The following NCKAP5 variants were observed in gnomAD, a reference collection of about 807,000 sequenced individuals.
The protein encoded by NCKAP5 is NCK associated protein 5, also known as nck-associated protein 5.
NCKAP5 carries 92 observed loss-of-function variants against 167.0 expected under a neutral mutation model. The ratio of observed to expected loss-of-function variants is 0.55; its 90% CI spans 0.47 to 0.66. NCKAP5 has a LOEUF of 0.66. NCKAP5 is among the 30% of genes least tolerant of loss of function. NCKAP5 has a pLI of 0.00. For missense variants in NCKAP5, 2,378 were observed against 2,315.0 expected (o/e 1.03, Z -0.56); for synonymous variants, 891 against 877.4 (o/e 1.02, Z -0.27).
rs55895538 is a variant in NCKAP5, at chr2:132,920,771, GTATATATATATATATA to G, written c.580-41871_580-41856del. On this transcript the variant is annotated intron_variant, in intron 8 of 19. Coordinates refer to ENST00000409261, the MANE Select transcript of NCKAP5 (RefSeq NM_207363.3). ...TATATATATATGTATATATATGTAT[GTATATATATATATATA>G]TATATATATATATATATATATATAT... Among the ~76,000 whole-genome samples, 25 of 31,580 alleles carry G rather than the reference GTATATATATATATATA, an allele frequency of 7.9e-4. 2 individuals carry two copies. Among genetic ancestry groups the G allele is most frequent in the East Asian group, 2.3e-3 (5 of 2,138 alleles). 20.7% of individuals were successfully genotyped at this position (31,580 alleles called of 152,430 possible). A position where few individuals can be genotyped will look rare whatever the true frequency, so the allele number is the denominator to read the frequency against.
At chr2:133,055,686 T>A (rs1437910) in intron 6 of NCKAP5, among the ~76,000 whole-genome samples, 101,405 of 152,030 alleles carry the variant, frequency 0.67, 35,801 homozygotes, top group East Asian at 0.97. Context: ...ATGTTGGGCA[T>A]CATTTGTTGC....
At chr2:133,353,282 T>C (rs773426072) in intron 3 of NCKAP5, among the ~76,000 whole-genome samples, 1 of 152,174 alleles carries the variant, frequency 6.6e-6, no homozygotes, top group Admixed American at 6.5e-5. Flanking sequence ...TCACCTACTA[T>C]CTGAGACAGA....
intron 7 of NCKAP5, among the ~76,000 whole-genome samples, chr2:132,983,865 C>CCCCT (rs1273865902): frequency 4.6e-5 from 7 of 152,182 alleles, no homozygotes; most frequent in African/African-American, 1.7e-4. Flanking sequence ...CCCTCCCAGG[C>CCCCT]CACAGCAAAT....
intron 6 of NCKAP5, among the ~76,000 whole-genome samples, chr2:133,109,608 C>A (rs1230725621): frequency 6.6e-6 from 1 of 151,912 alleles, no homozygotes; most frequent in African/African-American, 2.4e-5. Flanking sequence ...TTAAGCATTA[C>A]TTGTGTGATA....
chr2:133,225,399 A>C (rs2086838410), intron 4 of NCKAP5, among the ~76,000 whole-genome samples: 1 of 152,178 alleles, frequency 6.6e-6, no homozygotes, highest in Non-Finnish European at 1.5e-5. Flanking sequence ...CTGTTTTGAC[A>C]ACGGCCCCAA....
At position 133,517,482 on chromosome 2, in the gene NCKAP5, C is replaced by T. The variant is rs966020578; in HGVS notation, c.45G>A (p.Arg15=). 8.5e-6 allele frequency: 13 copies of T among 1,528,866 alleles called. No individual in the cohort carries two copies. Among genetic ancestry groups the T allele is most frequent in the Non-Finnish European group, 8.8e-6 (10 of 1,133,338 alleles). 94.7% of individuals were successfully genotyped at this position (1,528,866 alleles called of 1,614,324 possible). A position where few individuals can be genotyped will look rare whatever the true frequency, so the allele number is the denominator to read the frequency against. The change falls in exon 3 of 20, where the codon AGG becomes AGA. Residue 15 remains arginine (R), a synonymous_variant. Coordinates refer to ENST00000409261, the MANE Select transcript of NCKAP5 (RefSeq NM_207363.3). The part of the protein sequence containing the change: ...RQLEKRDFGK[R]LSLDSSLVEY... ...CCACAAGACTGCTGTCTAGAGACAG[C>T]CTTTTTCCAAAGTCCCTTTTCTCAA...
chr2:133,604,831 T>G, the NCKAP5 span, among the ~76,000 whole-genome samples: 1 of 152,154 alleles, frequency 6.6e-6, no homozygotes, highest in African/African-American at 2.4e-5. Flanking sequence ...CCACTGTATT[T>G]CCCTGTCATC....
At chr2:133,169,674 C>T (rs191567882) in intron 5 of NCKAP5, among the ~76,000 whole-genome samples, 4 of 152,264 alleles carry the variant, frequency 2.6e-5, no homozygotes, top group East Asian at 1.9e-4. Flanking sequence ...TTAGTGTGTG[C>T]GGCGAGCCCA....
chr2:132,815,138 C>CT (rs1686164364), intron 11 of NCKAP5, among the ~76,000 whole-genome samples: 2 of 152,236 alleles, frequency 1.3e-5, no homozygotes, highest in East Asian at 3.9e-4. Context: ...TCATAAAGTA[C>CT]TTTGATGGAA....
intron 19 of NCKAP5, among the ~76,000 whole-genome samples, chr2:132,709,827 C>T (rs1174317044): frequency 6.6e-6 from 1 of 151,910 alleles, no homozygotes; most frequent in Non-Finnish European, 1.5e-5. Context: ...GGAATATTTC[C>T]CATTCATTTT....
intron 3 of NCKAP5, among the ~76,000 whole-genome samples, chr2:133,340,689 T>A (rs1683518193): frequency 1.3e-5 from 2 of 152,114 alleles, no homozygotes; most frequent in Admixed American, 1.3e-4. Flanking sequence ...GCACCTAACT[T>A]GGGTGGCATT....
At chr2:133,307,709 C>T (rs1473603765) in intron 3 of NCKAP5, among the ~76,000 whole-genome samples, 2 of 152,148 alleles carry the variant, frequency 1.3e-5, no homozygotes, top group Non-Finnish European at 2.9e-5. Context: ...TCATAAAATA[C>T]AGGACCTACA....
intron 6 of NCKAP5, among the ~76,000 whole-genome samples, chr2:133,001,215 CTTTTTTTT>C (rs56110206): frequency 7.4e-6 from 1 of 134,428 alleles, no homozygotes; most frequent in Non-Finnish European, 1.6e-5. Context: ...CTTTGACTTA[CTTTTTTTT>C]TTTTTTTTTT....
At chr2:133,030,556 C>A (rs1481356213) in intron 6 of NCKAP5, among the ~76,000 whole-genome samples, 1 of 152,170 alleles carries the variant, frequency 6.6e-6, no homozygotes, top group Non-Finnish European at 1.5e-5. Context: ...ATTGGAAAAA[C>A]AAGTGACTCA....
intron 3 of NCKAP5, among the ~76,000 whole-genome samples, chr2:133,305,245 T>C (rs764214879): frequency 1.3e-5 from 2 of 152,186 alleles, no homozygotes; most frequent in Non-Finnish European, 2.9e-5. Context: ...AAAGGTGTAG[T>C]GATGACAAAT....
At chr2:133,611,195 A>G in the NCKAP5 span, among the ~76,000 whole-genome samples, 15 of 152,170 alleles carry the variant, frequency 9.9e-5, no homozygotes, top group Non-Finnish European at 2.2e-4. Flanking sequence ...CATATGATGC[A>G]TCCATCAGAT....
chr2:132,830,462 A>G (rs1392631782), intron 11 of NCKAP5, among the ~76,000 whole-genome samples: 1 of 151,940 alleles, frequency 6.6e-6, no homozygotes, highest in East Asian at 1.9e-4. Flanking sequence ...AGGAGGGTAA[A>G]CAGTATCTCA....
intron 17 of NCKAP5, among the ~76,000 whole-genome samples, chr2:132,731,188 A>G (rs752017827): frequency 6.6e-5 from 10 of 152,230 alleles, no homozygotes; most frequent in Non-Finnish European, 1.0e-4. Flanking sequence ...GTCTTTCATC[A>G]TGAAATCTTG....
At chr2:133,076,672 C>T (rs2080614521) in intron 6 of NCKAP5, among the ~76,000 whole-genome samples, 1 of 152,186 alleles carries the variant, frequency 6.6e-6, no homozygotes, top group Non-Finnish European at 1.5e-5. Flanking sequence ...GATAGTGGTA[C>T]ATGATACCTT....
Sources: allele counts gnomAD v4.1 joint callset (sites outside exome capture counted in the v4.1 genomes callset), GRCh38; gene constraint gnomAD v4.1.1; transcripts MANE v1.5; gene names NCBI Gene and HGNC (gene_info 2026-07-23, HGNC 2026-07-21).